CAMKMT: variants seen among roughly 807,000 people sequenced by gnomAD.
The protein encoded by CAMKMT is calmodulin-lysine N-methyltransferase.
CAMKMT carries 53 observed loss-of-function variants against 48.0 expected under a neutral mutation model. The observed-to-expected ratio is 1.10, with a 90% CI of 0.89 to 1.39. The LOEUF (loss-of-function observed/expected upper bound fraction) is 1.39, where lower values mean the gene tolerates loss of function less well. CAMKMT is among the 40% of genes most tolerant of loss of function. The pLI, the probability that CAMKMT is intolerant of heterozygous loss-of-function variation, is 0.00. For synonymous variants in CAMKMT, 165 were observed against 152.3 expected (o/e 1.08, Z -0.61); for missense variants, 428 against 402.7 (o/e 1.06, Z -0.54).
intron 3 of CAMKMT, among the ~76,000 whole-genome samples, chr2:44,664,189 A>T (rs1674833382): frequency 6.6e-6 from 1 of 152,232 alleles, no homozygotes; most frequent in Non-Finnish European, 1.5e-5. Context: ...ATAAGTTTGA[A>T]TATACATTTA....
intron 3 of CAMKMT, among the ~76,000 whole-genome samples, chr2:44,683,215 C>CAG (rs1676122310): frequency 6.7e-6 from 1 of 149,248 alleles, no homozygotes; most frequent in Non-Finnish European, 1.5e-5. Context: ...AAATAGAAAC[C>CAG]AAAAAAAAAA....
intron 3 of CAMKMT, among the ~76,000 whole-genome samples, chr2:44,443,254 G>A (rs906045192): frequency 6.6e-6 from 1 of 152,084 alleles, no homozygotes; most frequent in African/African-American, 2.4e-5. Flanking sequence ...TACTCTCAGG[G>A]CTTTTCATCT....
At chr2:44,390,435 G>A in intron 3 of CAMKMT, 130 bp downstream of exon 3, 1 of 499,210 alleles carries the variant, frequency 2.0e-6, no homozygotes. Context: ...ATAATAGAAA[G>A]TTTGACTGTC....
intron 3 of CAMKMT, among the ~76,000 whole-genome samples, chr2:44,443,094 T>C (rs1020762983): frequency 1.3e-5 from 2 of 152,202 alleles, no homozygotes; most frequent in Non-Finnish European, 2.9e-5. Flanking sequence ...TTGAACTCCT[T>C]AGAGGAAAAG....
chr2:44,397,189 A>G (rs1681934147), intron 3 of CAMKMT, among the ~76,000 whole-genome samples: 1 of 152,192 alleles, frequency 6.6e-6, no homozygotes, highest in Non-Finnish European at 1.5e-5. Context: ...GGAATCAGAG[A>G]TCAAATCATT....
At chr2:44,524,024 G>A (rs530046881) in intron 3 of CAMKMT, among the ~76,000 whole-genome samples, 6 of 151,530 alleles carry the variant, frequency 4.0e-5, no homozygotes, top group East Asian at 3.9e-4. Flanking sequence ...TGATCCGCTC[G>A]CCTCGGCCTC....
At chr2:44,632,981 C>CTA (rs373258789) in intron 3 of CAMKMT, among the ~76,000 whole-genome samples, 25 of 152,118 alleles carry the variant, frequency 1.6e-4, no homozygotes, top group African/African-American at 2.2e-4. Context: ...ACTCCCCTTT[C>CTA]TATATATATA....
chr2:44,625,139 C>T (rs1672407503), intron 3 of CAMKMT, among the ~76,000 whole-genome samples: 1 of 152,202 alleles, frequency 6.6e-6, no homozygotes, highest in Non-Finnish European at 1.5e-5. Flanking sequence ...TCAGTTGCTT[C>T]ACATCCTTAC....
chr2:44,647,971 C>T (rs1278646929), intron 3 of CAMKMT, among the ~76,000 whole-genome samples: 1 of 146,634 alleles, frequency 6.8e-6, no homozygotes, highest in Non-Finnish European at 1.5e-5. Flanking sequence ...TAAGGATGTT[C>T]ACTACACCAT....
At chr2:44,401,305 C>G (rs1682355496) in intron 3 of CAMKMT, among the ~76,000 whole-genome samples, 2 of 152,244 alleles carry the variant, frequency 1.3e-5, no homozygotes, top group South Asian at 2.1e-4. Context: ...CGCCTGTAAT[C>G]TCAGCACTTT....
rs78345382 is a variant in CAMKMT, at chr2:44,558,347, G to C, written c.377-145936G>C. 6.1e-3 allele frequency among the ~76,000 whole-genome samples: 935 copies of C among 152,184 alleles called. 8 individuals are homozygous for C. The highest frequency in any genetic ancestry group is 0.019 in the African/African-American group (794 of 41,538). On this transcript the variant is annotated intron_variant, in intron 3 of 10. Coordinates refer to ENST00000378494, the MANE Select transcript of CAMKMT (RefSeq NM_024766.5). ...GAGCCACTGTGCCTGGATAATTGTC[G>C]GTTTTCTAAGAGCTCTATTGCATTG...
At chr2:44,479,200 A>G (rs768907842) in intron 3 of CAMKMT, among the ~76,000 whole-genome samples, 37 of 152,224 alleles carry the variant, frequency 2.4e-4, no homozygotes, top group Non-Finnish European at 5.0e-4. Flanking sequence ...TTCTAGAAAG[A>G]TGGGACTAAT....
chr2:44,422,401 C>G (rs1284380424), intron 3 of CAMKMT, among the ~76,000 whole-genome samples: 1 of 152,104 alleles, frequency 6.6e-6, no homozygotes, highest in African/African-American at 2.4e-5. Context: ...AATAAATTTG[C>G]TGAATATTGG....
intron 3 of CAMKMT, among the ~76,000 whole-genome samples, chr2:44,539,053 T>C (rs1666945149): frequency 6.6e-6 from 1 of 151,294 alleles, no homozygotes. Flanking sequence ...CCTGTAATCC[T>C]AGCACTTTGG....
chr2:44,593,452 G>A (rs762484578), intron 3 of CAMKMT, among the ~76,000 whole-genome samples: 1 of 152,082 alleles, frequency 6.6e-6, no homozygotes, highest in Non-Finnish European at 1.5e-5. Flanking sequence ...TTGAACTCTA[G>A]CCACATTGTT....
chr2:44,589,883 TA>T (rs1218817837), intron 3 of CAMKMT, among the ~76,000 whole-genome samples: 14 of 23,240 alleles, frequency 6.0e-4, no homozygotes, highest in Admixed American at 1.1e-3. Context: ...GAATGATCAA[TA>T]AAAAAAAAAA....
At chr2:44,714,369 T>C (rs1204030288) in intron 6 of CAMKMT, among the ~76,000 whole-genome samples, 1 of 152,216 alleles carries the variant, frequency 6.6e-6, no homozygotes, top group African/African-American at 2.4e-5. Flanking sequence ...GGTGATGTAA[T>C]GAACCAGCTC....
chr2:44,735,346 G>C (rs963674666), intron 7 of CAMKMT, among the ~76,000 whole-genome samples: 1 of 152,174 alleles, frequency 6.6e-6, no homozygotes, highest in Non-Finnish European at 1.5e-5. Flanking sequence ...TTTTTGTTTA[G>C]TACAGTTACT....
intron 2 of CAMKMT, 116 bp downstream of exon 2, chr2:44,373,004 G>T (rs1396128534): frequency 1.0e-6 from 1 of 977,294 alleles, no homozygotes; most frequent in Non-Finnish European, 1.5e-6. Flanking sequence ...ATCTTTTTCA[G>T]AACTTAGGTT....
Sources: allele counts gnomAD v4.1 joint callset (sites outside exome capture counted in the v4.1 genomes callset), GRCh38; gene constraint gnomAD v4.1.1; transcripts MANE v1.5; gene names NCBI Gene and HGNC (gene_info 2026-07-23, HGNC 2026-07-21).